The following SLC25A26 variants were observed in gnomAD, a reference collection of about 807,000 sequenced individuals.
SLC25A26 encodes mitochondrial S-adenosylmethionine carrier protein.
In SLC25A26, 36 loss-of-function variants were observed where a neutral mutation model predicts 37.8. That is an observed-to-expected ratio of 0.95 (90% CI 0.73 to 1.26). The LOEUF (loss-of-function observed/expected upper bound fraction) is 1.26, where lower values mean the gene tolerates loss of function less well. SLC25A26 is among the 50% of genes most tolerant of loss of function. The pLI, the probability that SLC25A26 is intolerant of heterozygous loss-of-function variation, is 0.00. For synonymous variants in SLC25A26, 129 were observed against 122.5 expected (o/e 1.05, Z -0.35); for missense variants, 390 against 331.1 (o/e 1.18, Z -1.38).
chr3:66,272,843 G>C (rs1382516500), intron 5 of SLC25A26, among the ~76,000 whole-genome samples: 1 of 152,272 alleles, frequency 6.6e-6, no homozygotes, highest in South Asian at 2.1e-4. Flanking sequence ...AATAGGAGTG[G>C]TGAGAGAGGG....
At chr3:66,165,696 A>G (rs185800767) in intron 1 of SLC25A26, among the ~76,000 whole-genome samples, 1 of 152,308 alleles carries the variant, frequency 6.6e-6, no homozygotes, top group Non-Finnish European at 1.5e-5. Flanking sequence ...TCAAAAGCAT[A>G]TGGAATAACC....
At chr3:66,216,453 G>A (rs2071362609), upstream of SLC25A26, among the ~76,000 whole-genome samples, 1 of 152,164 alleles carries the variant, frequency 6.6e-6, no homozygotes, top group Non-Finnish European at 1.5e-5. Context: ...TGAGGCTGCA[G>A]TGAGTCGAGA....
At chr3:66,255,889 C>T (rs1484442805) in intron 3 of SLC25A26, among the ~76,000 whole-genome samples, 1 of 152,144 alleles carries the variant, frequency 6.6e-6, no homozygotes, top group African/African-American at 2.4e-5. Flanking sequence ...AGTCAGGAAG[C>T]CATGCTGGGT....
intron 1 of SLC25A26, among the ~76,000 whole-genome samples, chr3:66,139,740 C>G (rs1180933119): frequency 1.3e-5 from 2 of 152,154 alleles, no homozygotes; most frequent in African/African-American, 4.8e-5. Context: ...TTAATGTACT[C>G]ACAGTGTCAT....
chr3:66,220,900 G>A (rs1390968682), upstream of SLC25A26: 1 of 637,818 alleles, frequency 1.6e-6, no homozygotes, highest in Non-Finnish European at 2.7e-6. Flanking sequence ...CACTCCCCGA[G>A]GCCCCGCCCC....
At chr3:66,210,858 T>C (rs928432836) in intron 1 of SLC25A26, among the ~76,000 whole-genome samples, 36 of 152,260 alleles carry the variant, frequency 2.4e-4, no homozygotes, top group African/African-American at 6.7e-4. Context: ...GCCAAAGGTT[T>C]GTCAGCAAGG....
intron 1 of SLC25A26, among the ~76,000 whole-genome samples, chr3:66,177,848 C>G (rs1461716653): frequency 6.6e-6 from 1 of 152,204 alleles, no homozygotes; most frequent in Non-Finnish European, 1.5e-5. Flanking sequence ...GAACTGTAAT[C>G]TGGTATAGGC....
rs571302409 is a variant in SLC25A26, at chr3:66,302,172, C to T, written c.453+38793C>T. Among the ~76,000 whole-genome samples the T allele has an allele frequency of 6.9e-4, 105 of 152,296 alleles. No homozygotes were observed. In the South Asian group the frequency reaches 0.021, roughly 30 times the overall value. On this transcript the variant is annotated intron_variant, in intron 5 of 9. Transcript: ENST00000354883. ...TGTGCAGAAGTATATCCTGAACCTT[C>T]CTCCCTCTGAATTTGCCCACTTGGC...
At chr3:66,236,754 A>G in intron 2 of SLC25A26, 54 bp downstream of exon 2, 2 of 1,395,494 alleles carry the variant, frequency 1.4e-6, no homozygotes. Context: ...GGATTTTCAG[A>G]ATGGTGTGTG....
intron 5 of SLC25A26, among the ~76,000 whole-genome samples, chr3:66,272,379 C>G (rs961941546): frequency 2.0e-5 from 3 of 152,050 alleles, no homozygotes; most frequent in African/African-American, 7.2e-5. Flanking sequence ...AATGAGTAAT[C>G]CATATTTATA....
At chr3:66,169,888 C>T (rs573219157) in intron 1 of SLC25A26, among the ~76,000 whole-genome samples, 43 of 152,278 alleles carry the variant, frequency 2.8e-4, no homozygotes, top group African/African-American at 9.9e-4. Context: ...CTTTACATGT[C>T]CATGAACCCT....
intron 1 of SLC25A26, among the ~76,000 whole-genome samples, chr3:66,143,276 C>T (rs1419757235): frequency 2.0e-5 from 3 of 152,070 alleles, no homozygotes; most frequent in African/African-American, 4.8e-5. Flanking sequence ...TTTTGGCTAT[C>T]GTGAATAGTG....
chr3:66,292,737 AT>A (rs1168754384), intron 5 of SLC25A26, among the ~76,000 whole-genome samples: 6 of 151,876 alleles, frequency 4.0e-5, no homozygotes, highest in Admixed American at 3.9e-4. Flanking sequence ...TTTTTCCTTC[AT>A]TTCAACCTTT....
intron 1 of SLC25A26, among the ~76,000 whole-genome samples, chr3:66,195,614 G>C (rs1010093683): frequency 6.6e-6 from 1 of 152,226 alleles, no homozygotes; most frequent in Admixed American, 6.5e-5. Context: ...TGGTGCTGCC[G>C]AGCGAGGAGC....
intron 1 of SLC25A26, among the ~76,000 whole-genome samples, chr3:66,156,497 G>T (rs543978012): frequency 1.3e-5 from 2 of 152,266 alleles, no homozygotes; most frequent in East Asian, 3.9e-4. Flanking sequence ...TTAGTGTCCT[G>T]TTCTGTCATA....
At chr3:66,267,204 CAGTT>C (rs34240450) in intron 5 of SLC25A26, among the ~76,000 whole-genome samples, 24,382 of 152,026 alleles carry the variant, frequency 0.16, 2,379 homozygotes, top group Non-Finnish European at 0.23. Flanking sequence ...GAGTGGTGCT[CAGTT>C]AGCATAAAAC....
At chr3:66,240,323 T>G (rs570905568) in intron 2 of SLC25A26, among the ~76,000 whole-genome samples, 1 of 152,312 alleles carries the variant, frequency 6.6e-6, no homozygotes, top group East Asian at 1.9e-4. Flanking sequence ...CAGGTCTCAC[T>G]CCGTTGCCCA....
intron 1 of SLC25A26, among the ~76,000 whole-genome samples, chr3:66,188,318 C>T (rs1485031740): frequency 3.3e-5 from 5 of 152,186 alleles, no homozygotes; most frequent in African/African-American, 1.2e-4. Flanking sequence ...TTTGTCTCCT[C>T]CAAACCTCAT....
intron 1 of SLC25A26, among the ~76,000 whole-genome samples, chr3:66,154,206 A>T (rs1458613025): frequency 6.6e-6 from 1 of 152,130 alleles, no homozygotes; most frequent in Non-Finnish European, 1.5e-5. Flanking sequence ...TCTCCCTGCG[A>T]GACCCCGGGC....
Sources: allele counts gnomAD v4.1 joint callset (sites outside exome capture counted in the v4.1 genomes callset), GRCh38; gene constraint gnomAD v4.1.1; transcripts MANE v1.5; gene names NCBI Gene and HGNC (gene_info 2026-07-23, HGNC 2026-07-21).